Variants in C5orf34 observed in about 807,000 individuals in gnomAD.
The protein encoded by C5orf34 is uncharacterized protein C5orf34.
Under a neutral mutation model 78.4 loss-of-function variants are expected in C5orf34, and 73 were observed. The observed-to-expected ratio is 0.93, with a 90% CI of 0.77 to 1.13. C5orf34 has a LOEUF of 1.13. Ranked by LOEUF, C5orf34 falls within the 50% of genes most tolerant of loss-of-function variation. The pLI is 0.00. For synonymous variants in C5orf34, 251 were observed against 246.6 expected, an observed-to-expected ratio of 1.02 and a Z score of -0.17; for missense variants, 730 against 732.7, an observed-to-expected ratio of 1.00 and a Z score of 0.04.
chr5:43,495,065 G>T, intron 6 of C5orf34: 3 of 1,472,320 alleles, frequency 2.0e-6, no homozygotes, highest in East Asian at 2.3e-5. Flanking sequence ...AGGTATTAGG[G>T]ATAATATTCA....
At chr5:43,495,501 C>G in intron 6 of C5orf34, 1 of 1,607,888 alleles carries the variant, frequency 6.2e-7, no homozygotes, top group Non-Finnish European at 8.5e-7. Flanking sequence ...CCACGACGAA[C>G]ATCCTTGACA....
chr5:43,487,816 T>C (rs1298678607), intron 12 of C5orf34, 93 bp downstream of exon 12: 40 of 895,884 alleles, frequency 4.5e-5, no homozygotes, highest in Non-Finnish European at 6.3e-5. Context: ...ATATTAAGTA[T>C]AGATTAATAT....
intron 11 of C5orf34, 97 bp downstream of exon 11, chr5:43,490,534 T>G: frequency 1.3e-6 from 1 of 753,920 alleles, no homozygotes. Context: ...CTAAGAAAGT[T>G]TTTTTGGGGA....
chr5:43,492,660 T>C (rs1745329742), intron 9 of C5orf34, 60 bp downstream of exon 9: 2 of 1,414,778 alleles, frequency 1.4e-6, no homozygotes, highest in Admixed American at 4.3e-5. Flanking sequence ...CTTTGTTTTC[T>C]TTGTTCTGTT....
rs777051506 is a variant in C5orf34 at position 43,509,164 on chromosome 5, A to C, written c.176T>G (p.Phe59Cys). The C allele has an allele frequency of 6.2e-7, 1 of 1,613,000 alleles. No individual in the cohort carries two copies. The highest frequency in any genetic ancestry group is 8.5e-7 in the Non-Finnish European group (1 of 1,179,742). ...QPERIRQRTH[F>C]VISTYREQLQ... ...ACTTACTCTGTAAGTGCTAATGACA[A>C]AATGTGTCCTTTGACGAATTCTTTC... The change falls in exon 2 of 13, where the codon TTT (phenylalanine) becomes TGT (cysteine). Residue 59 changes from phenylalanine to cysteine, a missense_variant. Phe to Cys is a radical substitution (Grantham distance 205). Transcript: ENST00000306862.
In C5orf34 at chr5:43,486,950, C is replaced by G. The variant is rs749338613; in HGVS notation, c.1882G>C (p.Asp628His). The G allele has an allele frequency of 2.6e-6, 4 of 1,554,410 alleles. No individual in the cohort carries two copies. Among genetic ancestry groups the G allele is most frequent in the Admixed American group, 2.1e-5 (1 of 47,660 alleles). ...GAGTTTGATAGAAGACAGTCAATAT[C>G]GTGAAGGATTTCAGAGGTTTTTTTC... is the stretch of plus-strand genomic sequence containing the variant. ...ALKKTSEILH[D>H]IDCLLSNSKK Residue 628 changes from aspartate to histidine, a missense_variant, in exon 13 of 13, where the codon GAT becomes CAT. Asp to His is a moderately conservative substitution (Grantham distance 81). Transcript: ENST00000306862.
intron 1 of C5orf34, among the ~76,000 whole-genome samples, chr5:43,513,366 A>G (rs1242620239): frequency 6.6e-6 from 1 of 152,200 alleles, no homozygotes; most frequent in Non-Finnish European, 1.5e-5. Context: ...AATCACTCCT[A>G]CCAAAAGCAG....
At chr5:43,506,634 G>A (rs1355497439) in intron 3 of C5orf34, among the ~76,000 whole-genome samples, 7 of 151,936 alleles carry the variant, frequency 4.6e-5, no homozygotes, top group Admixed American at 6.6e-5. Context: ...CAAAATGAGA[G>A]AAATGGTCAT....
intron 4 of C5orf34, among the ~76,000 whole-genome samples, chr5:43,505,116 G>C (rs1745925179): frequency 6.6e-6 from 1 of 152,210 alleles, no homozygotes; most frequent in Non-Finnish European, 1.5e-5. Context: ...TGTTTTGTAA[G>C]TGTTAGTTTT....
At position 43,502,459 on chromosome 5, in the gene C5orf34, A is replaced by G. The variant is rs561018365; in HGVS notation, c.1065T>C (p.Tyr355=). 3.2e-6 allele frequency: 5 copies of G among 1,581,664 alleles called. No homozygotes were observed. In the East Asian group the frequency reaches 1.1e-4, roughly 35 times the overall value. ...THQNMNSIEI[Y]SGDGSVFKSE... Reference sequence around the variant, plus strand: ...ATTTGAAAACAGATCCATCCCCAGAATAAATCTCTATTGAGTTCATATTTT... The same window carrying G: ...ATTTGAAAACAGATCCATCCCCAGAGTAAATCTCTATTGAGTTCATATTTT... Residue 355 remains tyrosine, a synonymous_variant, in exon 6 of 13, where the codon TAT becomes TAC. Transcript: ENST00000306862.
rs532559751 is a variant in C5orf34, at chr5:43,509,480, A to T, written c.-36-105T>A. On this transcript the variant is annotated intron_variant, in intron 1 of 12. Coordinates refer to ENST00000306862, the MANE Select transcript of C5orf34 (RefSeq NM_198566.4). Reference sequence around the variant, plus strand: ...TCTAAGAAGATGACATTGCCATTGCATTTACTTTTGTTAAGAATACTAACT... The same window carrying T: ...TCTAAGAAGATGACATTGCCATTGCTTTTACTTTTGTTAAGAATACTAACT... 7 of 621,386 alleles carry T rather than the reference A, an allele frequency of 1.1e-5. No individual in the cohort carries two copies. In the African/African-American group the frequency reaches 1.3e-4, roughly 12 times the overall value. 38.5% of individuals were successfully genotyped at this position (621,386 alleles called of 1,614,324 possible).
At chr5:43,509,026 G>A (rs1746108809) in intron 2 of C5orf34, 119 bp downstream of exon 2, 1 of 731,302 alleles carries the variant, frequency 1.4e-6, no homozygotes, top group Admixed American at 2.7e-5. Flanking sequence ...AATCACTTGA[G>A]CCTAGGTGTT....
intron 1 of C5orf34, among the ~76,000 whole-genome samples, chr5:43,512,486 C>G (rs1746310258): frequency 6.6e-6 from 1 of 152,322 alleles, no homozygotes; most frequent in Non-Finnish European, 1.5e-5. Flanking sequence ...TCGCCAATGT[C>G]TTCTTATACC....
intron 5 of C5orf34, among the ~76,000 whole-genome samples, chr5:43,503,119 A>T (rs142487794): frequency 6.6e-6 from 1 of 152,246 alleles, no homozygotes; most frequent in Non-Finnish European, 1.5e-5. Flanking sequence ...CTCTTCTAGC[A>T]TTGTTCATGG....
chr5:43,498,367 TCC>T (rs1745629542), intron 6 of C5orf34, among the ~76,000 whole-genome samples: 2 of 152,212 alleles, frequency 1.3e-5, no homozygotes, highest in Non-Finnish European at 2.9e-5. Context: ...GAAATCTGGA[TCC>T]ATCTTACAAT....
intron 8 of C5orf34, 124 bp from the exon 9 acceptor site, chr5:43,493,014 A>T (rs74446342): frequency 0.022 from 13,287 of 590,848 alleles, 224 homozygotes; most frequent in Middle Eastern, 0.041. Context: ...TAAAATCCTT[A>T]TATTTTAATT....
At chr5:43,503,825 C>G in intron 4 of C5orf34, 65 bp from the exon 5 acceptor site, 1 of 1,001,664 alleles carries the variant, frequency 1.0e-6, no homozygotes. Context: ...TAGAAGTCAA[C>G]AAAATGTTGC....
intron 6 of C5orf34, chr5:43,496,281 C>G: frequency 6.3e-7 from 1 of 1,586,106 alleles, no homozygotes; most frequent in South Asian, 1.1e-5. Flanking sequence ...TATGCAAGAC[C>G]CAGGCATACT....
At chr5:43,496,113 C>A in intron 6 of C5orf34, 2 of 1,319,682 alleles carry the variant, frequency 1.5e-6, no homozygotes, top group Non-Finnish European at 2.0e-6. Flanking sequence ...CCAGCAGCAA[C>A]CATCAGGACA....
Sources: gnomAD v4.1 joint callset for allele counts (sites outside exome capture counted in the v4.1 genomes callset) on GRCh38, gnomAD v4.1.1 for gene constraint, MANE v1.5 for transcripts, NCBI Gene and HGNC (gene_info 2026-07-23, HGNC 2026-07-21) for gene names.